TAF3: variants seen among roughly 807,000 people sequenced by gnomAD.
TAF3 encodes the protein transcription initiation factor TFIID subunit 3.
A neutral mutation model predicts 80.6 loss-of-function variants in TAF3; 7 were observed. The ratio of observed to expected loss-of-function variants is 0.09; its 90% CI spans 0.05 to 0.16. The LOEUF is 0.16. TAF3 is among the 10% of genes least tolerant of loss of function. TAF3 has a pLI of 1.00. For missense variants in TAF3, 921 were observed against 1,140.2 expected, an observed-to-expected ratio of 0.81 and a Z score of 2.77; for synonymous variants, 444 against 446.1, an observed-to-expected ratio of 1.00 and a Z score of 0.06.
chr10:7,978,155 G>C (rs1233762712), intron 4 of TAF3, among the ~76,000 whole-genome samples: 2 of 152,072 alleles, frequency 1.3e-5, no homozygotes, highest in Non-Finnish European at 2.9e-5. Context: ...TGAAAATGCA[G>C]TTTACATTGC....
At chr10:7,971,035 T>G (rs1831616340) in intron 3 of TAF3, among the ~76,000 whole-genome samples, 1 of 152,174 alleles carries the variant, frequency 6.6e-6, no homozygotes, top group Admixed American at 6.5e-5. Flanking sequence ...AACAAGAAAC[T>G]TAATGTTTAA....
At chr10:7,830,273 CT>C (rs1836784897) in intron 2 of TAF3, among the ~76,000 whole-genome samples, 1 of 151,994 alleles carries the variant, frequency 6.6e-6, no homozygotes, top group South Asian at 2.1e-4. Context: ...AGAAACAGAA[CT>C]TTACCAGCTA....
At chr10:7,875,983 T>C (rs1435521961) in intron 2 of TAF3, among the ~76,000 whole-genome samples, 5 of 151,786 alleles carry the variant, frequency 3.3e-5, no homozygotes, top group Admixed American at 2.6e-4. Context: ...TTTATTTTAT[T>C]TATTTTTCTC....
rs574229055 is a variant in TAF3, at chr10:7,983,984, C to T, written c.2315+6661C>T. Among the ~76,000 whole-genome samples the T allele has an allele frequency of 2.6e-5, 4 of 152,096 alleles. No homozygotes were observed. In the East Asian group the frequency reaches 7.7e-4, roughly 29 times the overall value. ...ACTGTATTTAAAATTTTCAAATGAC[C>T]TATTTTTAATGCTAGGGAAAGATGC... is the stretch of plus-strand genomic sequence containing the variant. On this transcript the variant is annotated intron_variant, in intron 4 of 6. Transcript: ENST00000344293.
chr10:7,839,326 C>G (rs1836886839), intron 2 of TAF3, among the ~76,000 whole-genome samples: 1 of 152,154 alleles, frequency 6.6e-6, no homozygotes, highest in Non-Finnish European at 1.5e-5. Flanking sequence ...TTACCCAGGT[C>G]TTGCTTTCTC....
chr10:7,914,476 C>T (rs922101471), intron 2 of TAF3, among the ~76,000 whole-genome samples: 2 of 152,214 alleles, frequency 1.3e-5, no homozygotes, highest in African/African-American at 4.8e-5. Context: ...AGTCTATAAA[C>T]TCCAGAAGGA....
chr10:8,010,739 T>G (rs1832046182), intron 5 of TAF3, among the ~76,000 whole-genome samples: 1 of 152,126 alleles, frequency 6.6e-6, no homozygotes. Flanking sequence ...AAACCCCATC[T>G]CTACTAAAAA....
chr10:7,875,250 G>A (rs1289530886), intron 2 of TAF3, among the ~76,000 whole-genome samples: 1 of 151,750 alleles, frequency 6.6e-6, no homozygotes, highest in Admixed American at 6.6e-5. Context: ...CATTTAAGTT[G>A]CAGGTAATAT....
intron 2 of TAF3, among the ~76,000 whole-genome samples, chr10:7,883,540 A>T (rs1837380621): frequency 6.6e-6 from 1 of 152,194 alleles, no homozygotes; most frequent in Admixed American, 6.5e-5. Context: ...ATACTTTGAG[A>T]CTATGTAAAT....
chr10:7,839,841 C>T (rs1209326523), intron 2 of TAF3, among the ~76,000 whole-genome samples: 4 of 152,186 alleles, frequency 2.6e-5, no homozygotes, highest in Admixed American at 2.0e-4. Context: ...TCTTGCTTTA[C>T]ATTCAGGCCA....
chr10:7,958,013 A>G lies in TAF3; in HGVS notation c.410-5907A>G, dbSNP rs1029367112. ...TACACAGGCTTCCACAGATTAGTGT[A>G]GGAAAATATTTTTAAGACATTTGTA... On this transcript the variant is annotated intron_variant, in intron 2 of 6. Transcript: ENST00000344293. Among the ~76,000 whole-genome samples, 4 of 152,238 alleles carry G rather than the reference A, an allele frequency of 2.6e-5. No individual in the cohort carries two copies. The East Asian group carries it at 7.7e-4, about 29-fold the overall frequency.
intron 4 of TAF3, among the ~76,000 whole-genome samples, chr10:7,999,831 T>C (rs1203493080): frequency 6.6e-6 from 1 of 152,118 alleles, no homozygotes; most frequent in Non-Finnish European, 1.5e-5. Flanking sequence ...GACCCTGTCC[T>C]TGTTGGTCTG....
chr10:7,826,849 AT>A (rs902453030), intron 2 of TAF3, among the ~76,000 whole-genome samples: 1 of 151,470 alleles, frequency 6.6e-6, no homozygotes, highest in African/African-American at 2.4e-5. Context: ...AATCTGAAAT[AT>A]TTTTTTTTCA....
intron 5 of TAF3, among the ~76,000 whole-genome samples, chr10:8,012,312 A>G (rs1197890712): frequency 2.6e-5 from 4 of 152,248 alleles, no homozygotes; most frequent in Admixed American, 1.3e-4. Context: ...TCACTGCCTA[A>G]TGGTGTGATG....
intron 2 of TAF3, among the ~76,000 whole-genome samples, chr10:7,897,156 TG>T: frequency 6.6e-6 from 1 of 152,328 alleles, no homozygotes; most frequent in Middle Eastern, 3.4e-3. Flanking sequence ...CAGGCCCGCT[TG>T]GCAAGTCTCG....
intron 2 of TAF3, among the ~76,000 whole-genome samples, chr10:7,950,185 C>G (rs1838068806): frequency 6.6e-6 from 1 of 152,160 alleles, no homozygotes; most frequent in Non-Finnish European, 1.5e-5. Flanking sequence ...TAAATTGCGA[C>G]TCCTTATTTT....
At chr10:7,839,053 A>G (rs1255298889) in intron 2 of TAF3, among the ~76,000 whole-genome samples, 4 of 151,854 alleles carry the variant, frequency 2.6e-5, no homozygotes, top group African/African-American at 9.7e-5. Context: ...GCATAAACCT[A>G]CAGGGCCCTG....
At chr10:7,955,432 G>A (rs1461132670) in intron 2 of TAF3, among the ~76,000 whole-genome samples, 2 of 152,182 alleles carry the variant, frequency 1.3e-5, no homozygotes, top group Non-Finnish European at 2.9e-5. Context: ...TTTAATTTTT[G>A]ATGAAATATA....
At chr10:7,909,947 TG>T (rs146457869) in intron 2 of TAF3, among the ~76,000 whole-genome samples, 1,665 of 152,318 alleles carry the variant, frequency 0.011, 18 homozygotes, top group Middle Eastern at 0.031. Flanking sequence ...GCATAGTGAT[TG>T]CATATAACCT....
Sources: allele counts gnomAD v4.1 joint callset (sites outside exome capture counted in the v4.1 genomes callset), GRCh38; gene constraint gnomAD v4.1.1; transcripts MANE v1.5; gene names NCBI Gene and HGNC (gene_info 2026-07-23, HGNC 2026-07-21).